Variants in CDC14A observed in about 807,000 individuals in gnomAD.
CDC14A encodes dual specificity protein phosphatase CDC14A.
Under a neutral mutation model 74.4 loss-of-function variants are expected in CDC14A, and 53 were observed. That is an observed-to-expected ratio of 0.71 (90% CI 0.57 to 0.89). The LOEUF is 0.89. Among genes scored for constraint, CDC14A ranks in the 40% least tolerant of loss-of-function variants. The pLI is 0.00. For missense variants in CDC14A, 646 were observed against 713.7 expected (o/e 0.91, Z 1.08); for synonymous variants, 247 against 258.4 (o/e 0.96, Z 0.43).
intron 4 of CDC14A, among the ~76,000 whole-genome samples, chr1:100,414,878 T>C (rs181332459): frequency 2.0e-3 from 302 of 152,288 alleles, no homozygotes; most frequent in African/African-American, 7.0e-3. Context: ...TAACGTGTCC[T>C]TTTAGGTTTC....
rs1650511681 is a variant in CDC14A at position 100,519,375 on chromosome 1, C to T, written c.*1095C>T. On this transcript the variant is annotated 3_prime_UTR_variant, in exon 16 of 16. Transcript: ENST00000336454. The stretch of plus-strand genomic sequence containing the variant: ...AAATGAAAGGACCCTTATAGGTACT[C>T]ACAGCCCTTTCATGTAAGTATGATC... 6.6e-6 allele frequency: 1 copy of T among 152,126 alleles called. No homozygotes were observed. The highest frequency in any genetic ancestry group is 6.6e-5 in the Admixed American group (1 of 15,260). The allele number at this position is 152,126 out of a possible 1,614,324, so 9.4% of individuals were successfully genotyped here. A position where few individuals can be genotyped will look rare whatever the true frequency, so the allele number is the denominator to read the frequency against.
chr1:100,348,301 A>G (rs1255400189), upstream of CDC14A, among the ~76,000 whole-genome samples: 3 of 149,986 alleles, frequency 2.0e-5, no homozygotes, highest in African/African-American at 7.4e-5. Flanking sequence ...AAAAAAAAAA[A>G]GAATATTTTC....
chr1:100,351,164 G>A (rs985361007), upstream of CDC14A, among the ~76,000 whole-genome samples: 3 of 151,878 alleles, frequency 2.0e-5, no homozygotes, highest in South Asian at 2.1e-4. Flanking sequence ...ACCGCACTCC[G>A]GCCTGGGTGA....
At chr1:100,415,334 A>C (rs747445203) in intron 4 of CDC14A, among the ~76,000 whole-genome samples, 27 of 152,192 alleles carry the variant, frequency 1.8e-4, no homozygotes, top group Non-Finnish European at 3.4e-4. Flanking sequence ...CTGTAAAGAG[A>C]TGTCACATGA....
chr1:100,424,916 C>G (rs1435561701), intron 5 of CDC14A, among the ~76,000 whole-genome samples: 4 of 151,886 alleles, frequency 2.6e-5, no homozygotes, highest in African/African-American at 7.3e-5. Context: ...GGCTGTAATC[C>G]CAGCACTTTG....
intron 2 of CDC14A, among the ~76,000 whole-genome samples, chr1:100,373,465 CAG>C (rs1654764415): frequency 6.6e-6 from 1 of 152,104 alleles, no homozygotes; most frequent in South Asian, 2.1e-4. Flanking sequence ...AAATGTGAAA[CAG>C]AGACATGAAG....
In CDC14A at chr1:100,472,953, CTT is replaced by C. The variant is rs1351864809; in HGVS notation, c.977+4860_977+4861del. Among the ~76,000 whole-genome samples the C allele has an allele frequency of 7.9e-5, 12 of 152,138 alleles. No homozygotes were observed. The East Asian group carries it at 2.1e-3, about 27-fold the overall frequency. Reference sequence around the variant, plus strand: ...TCTCCTTCCTTCAATGCCACACTCTCTTGATTACTGGACCTATATAGTGAGCC... The same window carrying C: ...TCTCCTTCCTTCAATGCCACACTCTCGATTACTGGACCTATATAGTGAGCC... On this transcript the variant is annotated intron_variant, in intron 10 of 15. Coordinates refer to ENST00000336454, the MANE Select transcript of CDC14A (RefSeq NM_003672.4).
intron 4 of CDC14A, among the ~76,000 whole-genome samples, chr1:100,406,816 C>G (rs759173776): frequency 2.6e-5 from 4 of 151,786 alleles, no homozygotes; most frequent in Non-Finnish European, 5.9e-5. Flanking sequence ...ATCCTAGCTT[C>G]TCAGGAGGCT....
chr1:100,470,464 A>T (rs1238763263), intron 10 of CDC14A, among the ~76,000 whole-genome samples: 1 of 152,092 alleles, frequency 6.6e-6, no homozygotes, highest in South Asian at 2.1e-4. Context: ...AAGAAAAAAA[A>T]ACTTAGAACT....
chr1:100,372,774 C>T (rs1369930427), intron 2 of CDC14A, among the ~76,000 whole-genome samples: 1 of 152,178 alleles, frequency 6.6e-6, no homozygotes, highest in African/African-American at 2.4e-5. Context: ...GACTTCCTCC[C>T]ATAAATCTTA....
chr1:100,420,059 C>CATATATATATATAT (rs1324396801), intron 4 of CDC14A, among the ~76,000 whole-genome samples: 37 of 24,302 alleles, frequency 1.5e-3, no homozygotes, highest in African/African-American at 2.1e-3. Context: ...CACACACACA[C>CATATATATATATAT]ACACATATAT....
intron 3 of CDC14A, among the ~76,000 whole-genome samples, chr1:100,381,614 G>A (rs780435287): frequency 2.0e-5 from 3 of 151,956 alleles, no homozygotes; most frequent in Non-Finnish European, 4.4e-5. Context: ...TTTTTTTCCA[G>A]TTGATGATTT....
Position 100,352,655 on chromosome 1 carries a change from T to C in CDC14A, c.-300T>C. 7.9e-7 allele frequency: 1 copy of C among 1,268,372 alleles called. No homozygotes were observed. The highest frequency in any genetic ancestry group is 9.9e-7 in the Non-Finnish European group (1 of 1,005,960). 78.6% of individuals were successfully genotyped at this position (1,268,372 alleles called of 1,614,324 possible). On this transcript the variant is annotated 5_prime_UTR_variant, in exon 1 of 16. Coordinates refer to ENST00000336454, the MANE Select transcript of CDC14A (RefSeq NM_003672.4). ...CCTGCCCTGAGAGCTGGTCTGCGTT[T>C]CCCAGGCGCGGCGGCGGCGGAGCAG...
chr1:100,438,270 T>C (rs1303861628), intron 5 of CDC14A, among the ~76,000 whole-genome samples: 3 of 151,760 alleles, frequency 2.0e-5, no homozygotes, highest in African/African-American at 7.3e-5. Flanking sequence ...AAAATACATA[T>C]TTAAACTTTA....
intron 15 of CDC14A, among the ~76,000 whole-genome samples, chr1:100,502,315 C>G (rs1296882574): frequency 6.6e-6 from 1 of 152,092 alleles, no homozygotes; most frequent in Non-Finnish European, 1.5e-5. Context: ...ATTTTTAAGT[C>G]TTTTATACCA....
intron 4 of CDC14A, among the ~76,000 whole-genome samples, chr1:100,417,075 C>T (rs1482845483): frequency 6.6e-6 from 1 of 152,158 alleles, no homozygotes; most frequent in Non-Finnish European, 1.5e-5. Context: ...CAGGCTCAAT[C>T]AAATAACCAC....
intron 11 of CDC14A, among the ~76,000 whole-genome samples, chr1:100,490,565 G>A (rs1185189958): frequency 6.6e-6 from 1 of 151,902 alleles, no homozygotes; most frequent in African/African-American, 2.4e-5. Context: ...GTGGTTTCCC[G>A]TACCCTAATC....
chr1:100,436,617 G>T (rs994399473), intron 5 of CDC14A, among the ~76,000 whole-genome samples: 2 of 151,940 alleles, frequency 1.3e-5, no homozygotes. Context: ...TAGAGATAGG[G>T]TTTCACTATG....
chr1:100,401,800 A>G (rs926571458), intron 4 of CDC14A, among the ~76,000 whole-genome samples: 5 of 152,092 alleles, frequency 3.3e-5, no homozygotes, highest in Admixed American at 6.6e-5. Flanking sequence ...GCACTTTGGG[A>G]GGCCAAGGTG....
Sources: gnomAD v4.1 joint callset for allele counts (sites outside exome capture counted in the v4.1 genomes callset) on GRCh38, gnomAD v4.1.1 for gene constraint, MANE v1.5 for transcripts, NCBI Gene and HGNC (gene_info 2026-07-23, HGNC 2026-07-21) for gene names.